Variants in PHACTR4 observed in about 807,000 individuals in gnomAD.
PHACTR4 encodes the protein phosphatase and actin regulator 4.
A neutral mutation model predicts 72.7 loss-of-function variants in PHACTR4; 51 were observed. The observed-to-expected ratio is 0.70, with a 90% CI of 0.56 to 0.89. PHACTR4 has a LOEUF of 0.89. Among genes scored for constraint, PHACTR4 ranks in the 40% least tolerant of loss-of-function variants. The pLI is 0.00. For synonymous variants in PHACTR4, 255 were observed against 302.5 expected (o/e 0.84, Z 1.63); for missense variants, 731 against 861.8 (o/e 0.85, Z 1.90).
At chr1:28,496,204 G>A (rs1030271433) in intron 13 of PHACTR4, among the ~76,000 whole-genome samples, 4 of 151,632 alleles carry the variant, frequency 2.6e-5, no homozygotes, top group African/African-American at 9.7e-5. Context: ...CTACAGGTGC[G>A]CGCCACCACG....
At chr1:28,443,350 C>G (rs898820599) in intron 2 of PHACTR4, among the ~76,000 whole-genome samples, 1 of 151,926 alleles carries the variant, frequency 6.6e-6, no homozygotes, top group African/African-American at 2.4e-5. Context: ...GGCGCGATCT[C>G]GGCTCACTGC....
At chr1:28,419,894 C>T (rs113526646) in intron 2 of PHACTR4, among the ~76,000 whole-genome samples, 263 of 152,300 alleles carry the variant, frequency 1.7e-3, no homozygotes, top group Middle Eastern at 6.8e-3. Context: ...ACAACCCATA[C>T]ATACCACGAA....
chr1:28,416,565 T>C (rs1173135972), intron 2 of PHACTR4, among the ~76,000 whole-genome samples: 5 of 152,372 alleles, frequency 3.3e-5, no homozygotes, highest in Non-Finnish European at 7.3e-5. Flanking sequence ...GCAGTAATGC[T>C]GACATTCTGG....
intron 1 of PHACTR4, among the ~76,000 whole-genome samples, chr1:28,387,635 C>T (rs949024616): frequency 2.0e-5 from 3 of 152,256 alleles, no homozygotes; most frequent in African/African-American, 7.2e-5. Context: ...CCTGTAATCC[C>T]AGCACTTTGC....
chr1:28,481,588 A>T (rs1184605741), intron 9 of PHACTR4: 1 of 152,046 alleles, frequency 6.6e-6, no homozygotes, highest in Non-Finnish European at 1.5e-5. Context: ...TCAGGAGTTC[A>T]AGACCAGCCT....
Position 28,378,273 on chromosome 1 carries a change from G to A in PHACTR4, c.-39+8448G>A, listed in dbSNP as rs1474075288. On this transcript the variant is annotated intron_variant, in intron 1 of 13. Coordinates refer to ENST00000373839, the MANE Select transcript of PHACTR4 (RefSeq NM_001048183.3). Reference sequence around the variant, plus strand: ...TCCCAGCACTTTGGGAGGCTGAGGCGGGTGGATCACCTGAGGTCAGGAGTT... The same window carrying A: ...TCCCAGCACTTTGGGAGGCTGAGGCAGGTGGATCACCTGAGGTCAGGAGTT... 4.0e-5 allele frequency among the ~76,000 whole-genome samples: 6 copies of A among 149,556 alleles called. 1 individual carries two copies. The highest frequency in any genetic ancestry group is 6.7e-5 in the Admixed American group (1 of 14,850).
chr1:28,426,643 G>A (rs1057148267), intron 2 of PHACTR4, among the ~76,000 whole-genome samples: 7 of 151,298 alleles, frequency 4.6e-5, no homozygotes, highest in Non-Finnish European at 8.8e-5. Context: ...CAACCTGGGC[G>A]ACAGAGCGAG....
At chr1:28,487,698 T>C (rs78035299) in intron 9 of PHACTR4, among the ~76,000 whole-genome samples, 11,550 of 141,266 alleles carry the variant, frequency 0.082, 1,411 homozygotes, top group African/African-American at 0.26. Context: ...CTTTCTGATT[T>C]CAAAAATGAC....
intron 4 of PHACTR4, among the ~76,000 whole-genome samples, chr1:28,461,371 G>A (rs967435288): frequency 6.6e-5 from 10 of 152,076 alleles, no homozygotes; most frequent in Non-Finnish European, 1.2e-4. Context: ...AACTCAGGAG[G>A]CAGAGGTTGC....
chr1:28,449,890 A>G (rs1008668271), intron 2 of PHACTR4, among the ~76,000 whole-genome samples: 2 of 152,008 alleles, frequency 1.3e-5, no homozygotes, highest in African/African-American at 4.8e-5. Flanking sequence ...ATATGAAACA[A>G]CTACACTTGC....
intron 2 of PHACTR4, among the ~76,000 whole-genome samples, chr1:28,436,242 T>G (rs1656626333): frequency 6.6e-6 from 1 of 152,176 alleles, no homozygotes; most frequent in Non-Finnish European, 1.5e-5. Context: ...TCCCATTTTT[T>G]GGTAGCTGTC....
intron 1 of PHACTR4, 111 bp downstream of exon 1, chr1:28,369,936 C>A: frequency 2.8e-6 from 1 of 362,054 alleles, no homozygotes; most frequent in Non-Finnish European, 5.3e-6. Context: ...CCGGTCCGGG[C>A]AGAAGGTAAC....
chr1:28,421,351 C>CT (rs1228217706), intron 2 of PHACTR4, among the ~76,000 whole-genome samples: 1 of 151,510 alleles, frequency 6.6e-6, no homozygotes, highest in East Asian at 1.9e-4. Context: ...GTAGATGGTG[C>CT]TGATGGCCTC....
intron 9 of PHACTR4, among the ~76,000 whole-genome samples, chr1:28,482,971 T>C (rs1660373907): frequency 6.6e-6 from 1 of 151,576 alleles, no homozygotes; most frequent in South Asian, 2.1e-4. Context: ...CTGGCTTTAC[T>C]GTGTATGCTG....
At position 28,403,419 on chromosome 1, in the gene PHACTR4, G is replaced by A. The variant is rs1308697061; in HGVS notation, c.-38-3991G>A. ...CCTTGAGTCAACTCTTCATATCTGA[G>A]GCACTCCCTGAAAGGATTGACAGTT... On this transcript the variant is annotated intron_variant, in intron 1 of 13. Transcript: ENST00000373839. 2.0e-5 allele frequency among the ~76,000 whole-genome samples: 3 copies of A among 152,194 alleles called. No homozygotes were observed. In the East Asian group the frequency reaches 5.8e-4, roughly 29 times the overall value.
intron 2 of PHACTR4, 95 bp downstream of exon 2, chr1:28,407,558 T>C (rs1654442719): frequency 9.4e-7 from 1 of 1,066,494 alleles, no homozygotes; most frequent in Non-Finnish European, 1.4e-6. Flanking sequence ...TTTTTCATAT[T>C]CAGTATGCTA....
Position 28,474,562 on chromosome 1 carries a change from A to T in PHACTR4, c.1421+411A>T, listed in dbSNP as rs890551704. Among the ~76,000 whole-genome samples the T allele has an allele frequency of 3.3e-5, 5 of 150,884 alleles. No homozygotes were observed. The East Asian group carries it at 9.8e-4, about 30-fold the overall frequency. ...AATGTGAATAATTTTTTTTTTTCCG[A>T]GATGGAGTCCTGCTCTGTCACCCGG... is the stretch of plus-strand genomic sequence containing the variant. On this transcript the variant is annotated intron_variant, in intron 7 of 13. Coordinates refer to ENST00000373839, the MANE Select transcript of PHACTR4 (RefSeq NM_001048183.3).
intron 2 of PHACTR4, among the ~76,000 whole-genome samples, chr1:28,426,747 A>G (rs1216344151): frequency 6.6e-6 from 1 of 151,150 alleles, no homozygotes; most frequent in East Asian, 1.9e-4. Flanking sequence ...AATAGAGACA[A>G]GATCTGCCCC....
intron 1 of PHACTR4, among the ~76,000 whole-genome samples, chr1:28,400,381 A>T (rs1031897611): frequency 2.0e-5 from 3 of 151,598 alleles, no homozygotes; most frequent in Non-Finnish European, 4.4e-5. Flanking sequence ...TCAATTAAAA[A>T]AAAAAAAAAA....
Sources: gnomAD v4.1 joint callset for allele counts (sites outside exome capture counted in the v4.1 genomes callset) on GRCh38, gnomAD v4.1.1 for gene constraint, MANE v1.5 for transcripts, NCBI Gene and HGNC (gene_info 2026-07-23, HGNC 2026-07-21) for gene names.